The following TANGO6 variants were observed in gnomAD, a reference collection of about 807,000 sequenced individuals.
TANGO6 encodes the protein transport and golgi organization 6 homolog.
In TANGO6, 90 loss-of-function variants were observed where a neutral mutation model predicts 114.2. The ratio of observed to expected loss-of-function variants is 0.79; its 90% CI spans 0.66 to 0.94. The LOEUF is 0.94. Ranked by LOEUF, TANGO6 falls within the 40% of genes least tolerant of loss-of-function variation. The pLI, the probability that TANGO6 is intolerant of heterozygous loss-of-function variation, is 0.00. For synonymous variants in TANGO6, 477 were observed against 509.8 expected, an observed-to-expected ratio of 0.94 and a Z score of 0.87; for missense variants, 1,274 against 1,315.3, an observed-to-expected ratio of 0.97 and a Z score of 0.49.
intron 17 of TANGO6, among the ~76,000 whole-genome samples, chr16:69,047,639 A>G (rs906009084): frequency 6.6e-6 from 1 of 152,156 alleles, no homozygotes; most frequent in Non-Finnish European, 1.5e-5. Flanking sequence ...AATTGAATAT[A>G]TATACAATTG....
chr16:68,928,027 C>A lies in TANGO6; in HGVS notation c.2587C>A (p.His863Asn). The A allele has an allele frequency of 6.2e-7, 1 of 1,605,752 alleles. No individual in the cohort carries two copies. The highest frequency in any genetic ancestry group is 2.2e-5 in the East Asian group (1 of 44,732). ...TRAAALRTLSHWIEQREAKAL... is the reference protein window; with the variant it reads ...TRAAALRTLSNWIEQREAKAL... The stretch of plus-strand genomic sequence containing the variant: ...GGCTGCTGCCCTGCGTACTCTTTCC[C>A]ACTGGATAGAGCAGAGAGAAGCAAA... Residue 863 changes from histidine (H) to asparagine (N), a missense_variant, in exon 13 of 18, where the codon CAC (histidine) becomes AAC (asparagine). His to Asn is a moderately conservative substitution (Grantham distance 68, BLOSUM62 1). This residue lies in a region of TANGO6 where 908 missense variants were observed against 910.2 expected (regional missense o/e 1.00). Coordinates refer to ENST00000261778, the MANE Select transcript of TANGO6 (RefSeq NM_024562.2).
At chr16:68,862,733 CAT>C (rs1211012270) in intron 2 of TANGO6, among the ~76,000 whole-genome samples, 7 of 152,208 alleles carry the variant, frequency 4.6e-5, no homozygotes, top group Non-Finnish European at 2.9e-5. Context: ...AGATCAGTCT[CAT>C]AACCTGCCCA....
At chr16:69,013,144 A>ATATACTAAGATGATTCAGCTCT (rs1247433077) in intron 15 of TANGO6, among the ~76,000 whole-genome samples, 1 of 151,736 alleles carries the variant, frequency 6.6e-6, no homozygotes, top group African/African-American at 2.4e-5. Context: ...AGGTTAGCAC[A>ATATACTAAGATGATTCAGCTCT]TATACTAAGA....
intron 1 of TANGO6, among the ~76,000 whole-genome samples, chr16:68,856,077 A>G (rs898812070): frequency 2.0e-5 from 3 of 152,270 alleles, no homozygotes; most frequent in African/African-American, 7.2e-5. Context: ...CTGTGAATAT[A>G]AACAATTTTG....
At chr16:68,973,958 A>G in intron 14 of TANGO6, 70 bp from the exon 15 acceptor site, 1 of 1,523,960 alleles carries the variant, frequency 6.6e-7, no homozygotes, top group Non-Finnish European at 8.9e-7. Flanking sequence ...ATCCCATCAC[A>G]GGGTGACTGG....
chr16:68,994,290 CAG>C (rs1461589123), intron 15 of TANGO6, among the ~76,000 whole-genome samples: 2 of 152,110 alleles, frequency 1.3e-5, no homozygotes, highest in African/African-American at 4.8e-5. Context: ...TCTGAAGAAA[CAG>C]AAAGAAAACA....
At chr16:69,024,058 C>T (rs1441861944) in intron 16 of TANGO6, among the ~76,000 whole-genome samples, 1 of 151,632 alleles carries the variant, frequency 6.6e-6, no homozygotes, top group Non-Finnish European at 1.5e-5. Context: ...TGTGTCACCA[C>T]ACCTGGCCAA....
intron 15 of TANGO6, among the ~76,000 whole-genome samples, chr16:69,017,267 A>G (rs1000409526): frequency 1.3e-5 from 2 of 152,294 alleles, no homozygotes; most frequent in Non-Finnish European, 2.9e-5. Context: ...AGGTTTTGCC[A>G]TGAGGGTAAG....
rs143767290 is a variant in TANGO6 at position 68,918,914 on chromosome 16, T to TAA, written c.1993-162_1993-161dup. Among the ~76,000 whole-genome samples, 471 of 149,478 alleles carry TAA rather than the reference T, an allele frequency of 3.2e-3. 4 individuals carry two copies. The highest frequency in any genetic ancestry group is 2.9e-3 in the Non-Finnish European group (192 of 67,156). On this transcript the variant is annotated intron_variant, in intron 11 of 17. Transcript: ENST00000261778. ...CCTTTATAATAAACCGGTAAATGTT[T>TAA]AAAAAAAAAACACTGAACATCACAT... is the stretch of plus-strand genomic sequence containing the variant.
intron 7 of TANGO6, among the ~76,000 whole-genome samples, chr16:68,881,510 T>C (rs1277664246): frequency 6.6e-6 from 1 of 151,934 alleles, no homozygotes; most frequent in Non-Finnish European, 1.5e-5. Context: ...CGAGACTCTG[T>C]CTCCAAACAA....
intron 7 of TANGO6, among the ~76,000 whole-genome samples, chr16:68,890,810 C>G (rs1005327863): frequency 6.6e-6 from 1 of 152,156 alleles, no homozygotes; most frequent in Non-Finnish European, 1.5e-5. Context: ...CACCTGAGGT[C>G]AGGAGTTCAA....
chr16:69,014,510 G>A (rs554530787), intron 15 of TANGO6, among the ~76,000 whole-genome samples: 1 of 152,238 alleles, frequency 6.6e-6, no homozygotes, highest in African/African-American at 2.4e-5. Flanking sequence ...GTGGATACTT[G>A]AACAAAATTA....
At chr16:68,880,664 C>G (rs1322282194) in intron 7 of TANGO6, 34 bp downstream of exon 7, 3 of 1,463,748 alleles carry the variant, frequency 2.0e-6, no homozygotes, top group African/African-American at 1.5e-5. Context: ...TTTTTATTTA[C>G]TTCTTATTTA....
intron 6 of TANGO6, 101 bp from the exon 7 acceptor site, chr16:68,880,447 C>T (rs931480399): frequency 1.4e-5 from 10 of 708,734 alleles, no homozygotes; most frequent in Non-Finnish European, 2.3e-5. Context: ...TTAGGTGTTA[C>T]TTACTGAGCC....
intron 14 of TANGO6, among the ~76,000 whole-genome samples, chr16:68,940,391 A>G (rs1963340852): frequency 6.6e-6 from 1 of 152,082 alleles, no homozygotes; most frequent in African/African-American, 2.4e-5. Context: ...CAGGTTATCA[A>G]TAACAGTTAT....
intron 4 of TANGO6, chr16:68,868,067 C>G (rs1962208023): frequency 6.6e-6 from 1 of 151,232 alleles, no homozygotes; most frequent in Non-Finnish European, 1.5e-5. Flanking sequence ...TCACTTGAGC[C>G]CAGGAGTTCG....
chr16:68,991,999 C>CA (rs566299869), intron 15 of TANGO6, among the ~76,000 whole-genome samples: 3 of 148,896 alleles, frequency 2.0e-5, no homozygotes, highest in Non-Finnish European at 3.0e-5. Context: ...GACCATCATC[C>CA]TTTTTTTTTT....
intron 17 of TANGO6, among the ~76,000 whole-genome samples, chr16:69,064,080 G>A (rs1303105591): frequency 6.6e-6 from 1 of 151,798 alleles, no homozygotes; most frequent in Non-Finnish European, 1.5e-5. Flanking sequence ...CAAATGATCT[G>A]CCCGCCTCGG....
intron 4 of TANGO6, among the ~76,000 whole-genome samples, chr16:68,870,317 T>C (rs891733042): frequency 3.3e-5 from 5 of 152,222 alleles, no homozygotes; most frequent in African/African-American, 9.6e-5. Context: ...TGGCATAATG[T>C]ACCTTGGTCC....
Sources: allele counts gnomAD v4.1 joint callset (sites outside exome capture counted in the v4.1 genomes callset), GRCh38; gene constraint gnomAD v4.1.1; regional missense constraint gnomAD v4.1.1; transcripts MANE v1.5; gene names NCBI Gene and HGNC (gene_info 2026-07-23, HGNC 2026-07-21).